Variants in NAALADL2 observed in about 807,000 individuals in gnomAD.
NAALADL2 encodes N-acetylated alpha-linked acidic dipeptidase like 2, also known as inactive N-acetylated-alpha-linked acidic dipeptidase-like protein 2.
A neutral mutation model predicts 87.2 loss-of-function variants in NAALADL2; 76 were observed. The observed-to-expected ratio is 0.87, with a 90% CI of 0.72 to 1.05. NAALADL2 has a LOEUF of 1.05. Ranked by LOEUF, NAALADL2 falls within the 50% of genes least tolerant of loss-of-function variation. The probability of loss-of-function intolerance (pLI) is 0.00; values close to 1 mark genes in which losing one functional copy is unlikely to be tolerated. For synonymous variants in NAALADL2, 354 were observed against 331.0 expected (o/e 1.07, Z -0.75); for missense variants, 1,089 against 945.8 (o/e 1.15, Z -1.99).
rs568984707 is a variant in NAALADL2 at position 175,276,471 on chromosome 3, T to G, written c.939+19941T>G. On this transcript the variant is annotated intron_variant, in intron 4 of 13. Transcript: ENST00000454872. ...GGCATGTGCCACCACGCCTGGCTAG[T>G]TTTTTGTATTTTTACTAGAGACTGG... is the stretch of plus-strand genomic sequence containing the variant. Among the ~76,000 whole-genome samples the G allele has an allele frequency of 3.3e-5, 5 of 152,014 alleles. No homozygotes were observed. In the East Asian group the frequency reaches 7.8e-4, roughly 24 times the overall value.
In NAALADL2 at chr3:175,807,339, GATT is replaced by G. The variant is rs1482594988; in HGVS notation, c.*4140_*4142del. The G allele has an allele frequency of 3.3e-5, 5 of 151,854 alleles. No homozygotes were observed. Among genetic ancestry groups the G allele is most frequent in the African/African-American group, 1.2e-4 (5 of 41,404 alleles). The allele number at this position is 151,854 out of a possible 1,614,324, so 9.4% of individuals were successfully genotyped here. A position where few individuals can be genotyped will look rare whatever the true frequency, so the allele number is the denominator to read the frequency against. ...AGATGTTAACAAAAATAAAATAAATGATTATTTGTGACCATGTTACTAATGATG... is the reference window on the plus strand; with the variant it reads ...AGATGTTAACAAAAATAAAATAAATGATTTGTGACCATGTTACTAATGATG... On this transcript the variant is annotated 3_prime_UTR_variant, in exon 14 of 14. Transcript: ENST00000454872.
chr3:175,131,538 A>G (rs1039930757), intron 2 of NAALADL2, among the ~76,000 whole-genome samples: 7 of 151,954 alleles, frequency 4.6e-5, no homozygotes, highest in African/African-American at 1.2e-4. Flanking sequence ...TCCCATGTCT[A>G]CCTCTTTCTA....
intron 1 of NAALADL2, among the ~76,000 whole-genome samples, chr3:174,539,141 AGAATT>A (rs1721991291): frequency 6.6e-6 from 1 of 152,236 alleles, no homozygotes; most frequent in Admixed American, 6.5e-5. Flanking sequence ...AACAAACTAA[AGAATT>A]GAATAAAACT....
chr3:174,724,031 A>T (rs1474239313), intron 2 of NAALADL2, among the ~76,000 whole-genome samples: 1 of 152,032 alleles, frequency 6.6e-6, no homozygotes, highest in Non-Finnish European at 1.5e-5. Flanking sequence ...TGGGATTCCT[A>T]TTTGGAGATG....
chr3:175,541,804 C>T (rs553906060), intron 9 of NAALADL2, among the ~76,000 whole-genome samples: 3 of 152,122 alleles, frequency 2.0e-5, no homozygotes, highest in African/African-American at 4.8e-5. Context: ...CTCACTGCAA[C>T]CTTTGCCTCC....
intron 2 of NAALADL2, among the ~76,000 whole-genome samples, chr3:174,693,863 G>T (rs1728800660): frequency 6.6e-6 from 1 of 152,086 alleles, no homozygotes; most frequent in Non-Finnish European, 1.5e-5. Context: ...TTTAGCTGAA[G>T]AAAGAGGCAC....
chr3:175,705,680 ATTATTGCCACTT>A (rs1173198014), intron 11 of NAALADL2, among the ~76,000 whole-genome samples: 4 of 152,132 alleles, frequency 2.6e-5, no homozygotes, highest in African/African-American at 9.7e-5. Context: ...TGAGTTAAAT[ATTATTGCCACTT>A]TTAAAGATGA....
intron 1 of NAALADL2, among the ~76,000 whole-genome samples, chr3:174,512,054 A>C (rs1232049454): frequency 6.6e-6 from 1 of 152,038 alleles, no homozygotes; most frequent in African/African-American, 2.4e-5. Flanking sequence ...TATATGCTTT[A>C]TCATACATTT....
intron 10 of NAALADL2, among the ~76,000 whole-genome samples, chr3:175,593,105 C>G (rs1240408776): frequency 6.6e-6 from 1 of 151,966 alleles, no homozygotes; most frequent in Non-Finnish European, 1.5e-5. Flanking sequence ...CCAATCAACC[C>G]ATCACCTAGG....
At chr3:174,579,066 T>C (rs1194946976) in intron 2 of NAALADL2, among the ~76,000 whole-genome samples, 3 of 152,072 alleles carry the variant, frequency 2.0e-5, no homozygotes, top group African/African-American at 7.2e-5. Flanking sequence ...ACTAACACCT[T>C]GAATGATGGA....
At chr3:175,798,653 A>C (rs1372675736) in intron 13 of NAALADL2, among the ~76,000 whole-genome samples, 1 of 152,044 alleles carries the variant, frequency 6.6e-6, no homozygotes. Context: ...TTCAGTTCTA[A>C]AACAGTAATC....
chr3:174,656,042 A>T (rs1307925256), intron 2 of NAALADL2, among the ~76,000 whole-genome samples: 2 of 152,234 alleles, frequency 1.3e-5, no homozygotes, highest in Non-Finnish European at 2.9e-5. Flanking sequence ...TTTGTTTAAA[A>T]TGTCTTCTAA....
intron 11 of NAALADL2, among the ~76,000 whole-genome samples, chr3:175,699,203 G>T (rs980209758): frequency 1.5e-4 from 23 of 151,988 alleles, no homozygotes; most frequent in Admixed American, 8.5e-4. Context: ...GAATCCATTA[G>T]TTTATAAGCT....
intron 1 of NAALADL2, among the ~76,000 whole-genome samples, chr3:174,984,137 C>T (rs1013475379): frequency 2.6e-5 from 4 of 151,986 alleles, no homozygotes; most frequent in Admixed American, 2.0e-4. Context: ...ACAATAACAA[C>T]GTATTTCAAA....
intron 2 of NAALADL2, among the ~76,000 whole-genome samples, chr3:174,647,192 A>G (rs1723882535): frequency 6.6e-6 from 1 of 152,210 alleles, no homozygotes; most frequent in Admixed American, 6.5e-5. Flanking sequence ...GTAGGGGATA[A>G]CTTTCACAGA....
chr3:174,874,856 C>T (rs150102318), intron 1 of NAALADL2, among the ~76,000 whole-genome samples: 2 of 151,972 alleles, frequency 1.3e-5, no homozygotes, highest in East Asian at 3.9e-4. Context: ...ATGCTCACAC[C>T]GCTAATCCTA....
intron 3 of NAALADL2, among the ~76,000 whole-genome samples, chr3:174,798,018 CAGTT>C (rs34524547): frequency 0.21 from 31,548 of 151,986 alleles, 3,310 homozygotes; most frequent in East Asian, 0.34. Flanking sequence ...GATCTATAAT[CAGTT>C]AGTTTTTATT....
At chr3:174,578,555 G>A (rs34235171) in intron 2 of NAALADL2, among the ~76,000 whole-genome samples, 17,350 of 151,818 alleles carry the variant, frequency 0.11, 1,425 homozygotes, top group East Asian at 0.45. Context: ...AGCAAGATAT[G>A]TTTACTTAAA....
intron 1 of NAALADL2, among the ~76,000 whole-genome samples, chr3:174,870,667 G>C (rs1206986407): frequency 6.6e-6 from 1 of 151,856 alleles, no homozygotes; most frequent in Non-Finnish European, 1.5e-5. Context: ...AGGAAAATCT[G>C]AATCAATTGT....
Sources: allele counts gnomAD v4.1 joint callset (sites outside exome capture counted in the v4.1 genomes callset), GRCh38; gene constraint gnomAD v4.1.1; transcripts MANE v1.5; gene names NCBI Gene and HGNC (gene_info 2026-07-23, HGNC 2026-07-21).